UBAP2L: variants seen among roughly 807,000 people sequenced by gnomAD.
UBAP2L encodes the protein ubiquitin associated protein 2 like.
A neutral mutation model predicts 130.6 loss-of-function variants in UBAP2L; 12 were observed. The ratio of observed to expected loss-of-function variants is 0.09; its 90% CI spans 0.06 to 0.15. The LOEUF (loss-of-function observed/expected upper bound fraction) is 0.15. UBAP2L is among the 10% of genes least tolerant of loss of function. The pLI, the probability that UBAP2L is intolerant of heterozygous loss-of-function variation, is 1.00. For synonymous variants in UBAP2L, 503 were observed against 524.7 expected, an observed-to-expected ratio of 0.96 and a Z score of 0.57; for missense variants, 965 against 1,332.5, an observed-to-expected ratio of 0.72 and a Z score of 4.29.
rs777218806 is a variant in UBAP2L, at chr1:154,268,912, G to A, written c.3126G>A (p.Pro1042=). 35 of 1,612,784 alleles carry A rather than the reference G, an allele frequency of 2.2e-5. No individual in the cohort carries two copies. Among genetic ancestry groups the A allele is most frequent in the South Asian group, 3.3e-5 (3 of 90,986 alleles). The change falls in exon 26 of 27, where the codon CCG becomes CCA. Residue 1042 remains proline (P), a synonymous_variant. Transcript: ENST00000428931. ...ACATTCTGACCCCCCATCAGCAGCCGCATTCTCAGATCCTTCACCATCACC... is the reference window on the plus strand; with the variant it reads ...ACATTCTGACCCCCCATCAGCAGCCACATTCTCAGATCCTTCACCATCACC... The part of the protein sequence containing the change: ...FMHILTPHQQ[P]HSQILHHHLQ...
chr1:154,258,815 CT>C (rs1680533065), intron 20 of UBAP2L, 161 bp from the exon 21 acceptor site: 2 of 583,856 alleles, frequency 3.4e-6, no homozygotes, highest in Non-Finnish European at 6.1e-6. Flanking sequence ...TCTCTGTGTA[CT>C]TTACTGCTTT....
chr1:154,236,385 G>T (rs1200075877), intron 6 of UBAP2L, among the ~76,000 whole-genome samples, 181 bp from the exon 7 acceptor site: 1 of 152,118 alleles, frequency 6.6e-6, no homozygotes. Context: ...TTTTTATAGA[G>T]ATAGGGTTTT....
intron 11 of UBAP2L, among the ~76,000 whole-genome samples, chr1:154,247,286 TAA>T (rs1675846524): frequency 6.6e-6 from 1 of 152,174 alleles, no homozygotes; most frequent in South Asian, 2.1e-4. Context: ...TTGTGTGTGT[TAA>T]GTTAGTAATT....
chr1:154,251,640 A>G lies in UBAP2L; in HGVS notation c.1651A>G (p.Thr551Ala). The G allele has an allele frequency of 1.9e-6, 3 of 1,614,102 alleles. No individual in the cohort carries two copies. The South Asian group carries it at 3.3e-5, about 18-fold the overall frequency. Residue 551 changes from threonine to alanine, a missense_variant, in exon 14 of 27, where the codon ACC (threonine) becomes GCC (alanine). Thr to Ala is a moderately conservative substitution (Grantham distance 58, BLOSUM62 0). This residue lies in a region of UBAP2L where 393 missense variants were observed against 408.1 expected (regional missense o/e 0.96). Coordinates refer to ENST00000428931, the MANE Select transcript of UBAP2L (RefSeq NM_014847.4). ...SSSQAPSSLY[T>A]STASESSSTI... ...AAGCCAGGCTCCAAGTAGCCTGTAT[A>G]CCAGCACGGCCAGGTAGAGGAAACA...
upstream of UBAP2L, chr1:154,220,768 A>C (rs901882007): frequency 1.2e-5 from 3 of 255,484 alleles, no homozygotes; most frequent in Non-Finnish European, 2.3e-5. Flanking sequence ...AGCCGGAAAG[A>C]GGTGTCTCGT....
intron 11 of UBAP2L, among the ~76,000 whole-genome samples, chr1:154,248,277 C>T (rs138549641): frequency 6.6e-6 from 1 of 152,162 alleles, no homozygotes; most frequent in Non-Finnish European, 1.5e-5. Flanking sequence ...CAGTGATTAC[C>T]CTATAGAACT....
intron 21 of UBAP2L, chr1:154,259,640 G>A: frequency 2.4e-6 from 1 of 416,720 alleles, no homozygotes; most frequent in Non-Finnish European, 4.4e-6. Flanking sequence ...TGTTTTCTCA[G>A]TAGAATAAGC....
At chr1:154,259,858 C>T in intron 21 of UBAP2L, 90 bp from the exon 22 acceptor site, 1 of 1,352,348 alleles carries the variant, frequency 7.4e-7, no homozygotes, top group Non-Finnish European at 1.1e-6. Flanking sequence ...ACAACTCTCA[C>T]ATTCTTCTGT....
intron 4 of UBAP2L, among the ~76,000 whole-genome samples, chr1:154,229,111 TTTTA>T (rs1218373831): frequency 1.6e-4 from 24 of 151,844 alleles, no homozygotes; most frequent in Admixed American, 1.6e-3. Flanking sequence ...TTTCTTTTTA[TTTTA>T]TTTTATTTTA....
In UBAP2L at chr1:154,235,156, TTTG is replaced by T. The variant is rs369112672; in HGVS notation, c.449-25_449-23del. 205 of 725,474 alleles carry T rather than the reference TTTG, an allele frequency of 2.8e-4. 1 individual carries two copies. Among genetic ancestry groups the T allele is most frequent in the South Asian group, 1.1e-3 (76 of 66,956 alleles). 44.9% of individuals were successfully genotyped at this position (725,474 alleles called of 1,614,324 possible). The stretch of plus-strand genomic sequence containing the variant: ...CTCTGGCCATCTGTGGTTTGGTTTT[TTTG>T]TTGTTGTTGTTGTTTTAATTTTTAT... On this transcript the variant is annotated intron_variant, in intron 5 of 26. Transcript: ENST00000428931.
At chr1:154,237,250 T>A in intron 8 of UBAP2L, 114 bp downstream of exon 8, 1 of 949,696 alleles carries the variant, frequency 1.1e-6, no homozygotes. Context: ...GGAGATAGGG[T>A]GAGAAAGGGC....
chr1:154,250,848 A>C (rs970047003), intron 12 of UBAP2L, among the ~76,000 whole-genome samples, 193 bp from the exon 13 acceptor site: 1 of 126,822 alleles, frequency 7.9e-6, no homozygotes, highest in Non-Finnish European at 1.6e-5. Flanking sequence ...CTCCCATCTC[A>C]AAAAAAAAAA....
intron 24 of UBAP2L, 84 bp from the exon 25 acceptor site, chr1:154,266,417 A>C: frequency 2.8e-6 from 4 of 1,418,298 alleles, no homozygotes; most frequent in Non-Finnish European, 4.0e-6. Context: ...ATAGCTAGAA[A>C]GGCTACAGAT....
At chr1:154,269,127 C>T (rs1684168220) in intron 26 of UBAP2L, 173 bp downstream of exon 26, 2 of 941,806 alleles carry the variant, frequency 2.1e-6, no homozygotes, top group Non-Finnish European at 1.6e-6. Context: ...CACGAGCGGC[C>T]GGCAAAGGAA....
chr1:154,267,982 C>T (rs529408612), intron 25 of UBAP2L, among the ~76,000 whole-genome samples: 181 of 147,302 alleles, frequency 1.2e-3, no homozygotes, highest in Middle Eastern at 3.5e-3. Context: ...CTCCGCCTCT[C>T]GGGTTCAAGC....
At chr1:154,252,442 G>A (rs1300672724) in intron 14 of UBAP2L, among the ~76,000 whole-genome samples, 3 of 147,826 alleles carry the variant, frequency 2.0e-5, no homozygotes, top group Non-Finnish European at 4.5e-5. Context: ...CACCACATCC[G>A]GCTAATTTTT....
At chr1:154,233,099 C>T (rs931285438) in intron 4 of UBAP2L, among the ~76,000 whole-genome samples, 8 of 151,918 alleles carry the variant, frequency 5.3e-5, no homozygotes, top group South Asian at 2.1e-4. Flanking sequence ...CTGCAACCTC[C>T]GACTCCTGGG....
In UBAP2L at chr1:154,270,416, C is replaced by A. The variant is rs751449745; in HGVS notation, c.*121C>A. The A allele has an allele frequency of 4.4e-5, 66 of 1,517,070 alleles. No individual in the cohort carries two copies. The highest frequency in any genetic ancestry group is 2.0e-5 in the Admixed American group (1 of 50,800). The allele number at this position is 1,517,070 out of a possible 1,614,324, so 94.0% of individuals were successfully genotyped here. A position where few individuals can be genotyped will look rare whatever the true frequency, so the allele number is the denominator to read the frequency against. On this transcript the variant is annotated 3_prime_UTR_variant, in exon 27 of 27. Transcript: ENST00000428931. ...TTCCGCTGCCCCCCACCCCCAGCGG[C>A]CCACCCCATGCCTCAGCTTCATGTC... is the stretch of plus-strand genomic sequence containing the variant.
intron 25 of UBAP2L, among the ~76,000 whole-genome samples, chr1:154,267,198 C>T (rs909083006): frequency 3.4e-5 from 5 of 149,018 alleles, no homozygotes; most frequent in African/African-American, 1.2e-4. Flanking sequence ...CCTTGTCACC[C>T]AGGCTAGAGT....
Sources: gnomAD v4.1 joint callset for allele counts (sites outside exome capture counted in the v4.1 genomes callset) on GRCh38, gnomAD v4.1.1 for gene constraint, gnomAD v4.1.1 regional missense constraint, MANE v1.5 for transcripts, NCBI Gene and HGNC (gene_info 2026-07-23, HGNC 2026-07-21) for gene names.